Variants in RHOH observed in about 807,000 individuals in gnomAD.
RHOH encodes the protein ras homolog family member H, also known as rho-related GTP-binding protein RhoH.
RHOH carries 6 observed loss-of-function variants against 13.8 expected under a neutral mutation model. The observed-to-expected ratio is 0.44, with a 90% CI of 0.24 to 0.86. The LOEUF (loss-of-function observed/expected upper bound fraction) is 0.86, where lower values mean the gene tolerates loss of function less well. Among genes scored for constraint, RHOH ranks in the 40% least tolerant of loss-of-function variants. RHOH has a pLI of 0.24. For missense variants in RHOH, 147 were observed against 244.5 expected (o/e 0.60, Z 2.66); for synonymous variants, 117 against 103.0 (o/e 1.14, Z -0.82).
intron 1 of RHOH, among the ~76,000 whole-genome samples, chr4:40,217,309 C>T (rs1207094062): frequency 6.6e-6 from 1 of 152,160 alleles, no homozygotes; most frequent in Non-Finnish European, 1.5e-5. Context: ...GTTACCTCTT[C>T]CCGGGAAGAA....
chr4:40,236,673 C>T (rs879515964), intron 1 of RHOH, among the ~76,000 whole-genome samples: 42 of 151,980 alleles, frequency 2.8e-4, no homozygotes, highest in African/African-American at 9.9e-4. Context: ...CTCCCGTAGT[C>T]CCAAGCTACT....
chr4:40,203,740 G>A (rs73146078), intron 1 of RHOH, among the ~76,000 whole-genome samples: 2,705 of 152,164 alleles, frequency 0.018, 88 homozygotes, highest in African/African-American at 0.062. Context: ...ATAGTTTGTG[G>A]CACAAAATCC....
At chr4:40,207,993 A>T (rs1039806455) in intron 1 of RHOH, among the ~76,000 whole-genome samples, 22 of 151,886 alleles carry the variant, frequency 1.4e-4, no homozygotes, top group East Asian at 9.6e-4. Context: ...ATAATAATTT[A>T]AAAAAACTAG....
intron 1 of RHOH, among the ~76,000 whole-genome samples, chr4:40,200,724 A>T (rs1723861372): frequency 6.6e-6 from 1 of 152,214 alleles, no homozygotes; most frequent in Non-Finnish European, 1.5e-5. Flanking sequence ...TGTTTAGCTC[A>T]GTCATACCCG....
At position 40,238,171 on chromosome 4, in the gene RHOH, AGGGGGCATCTGATCTGGC is replaced by A. The variant is rs545134927; in HGVS notation, c.-330-4506_-330-4489del. Among the ~76,000 whole-genome samples, 853 of 147,286 alleles carry A rather than the reference AGGGGGCATCTGATCTGGC, an allele frequency of 5.8e-3. 8 individuals carry two copies. Among genetic ancestry groups the A allele is most frequent in the East Asian group, 0.025 (122 of 4,916 alleles). ...CATAGAGGTATTTTGGGAACACAGC[AGGGGGCATCTGATCTGGC>A]GGGGGCATCTGATCTGGCGGGGGCA... On this transcript the variant is annotated intron_variant, in intron 1 of 2. Coordinates refer to ENST00000381799, the MANE Select transcript of RHOH (RefSeq NM_004310.5).
At chr4:40,215,977 G>T (rs908896858) in intron 1 of RHOH, among the ~76,000 whole-genome samples, 11 of 151,912 alleles carry the variant, frequency 7.2e-5, no homozygotes, top group African/African-American at 2.7e-4. Flanking sequence ...TTTCCACCCT[G>T]GGTGGACTCT....
chr4:40,209,802 T>C (rs984802947), intron 1 of RHOH: 1 of 152,212 alleles, frequency 6.6e-6, no homozygotes, highest in African/African-American at 2.4e-5. Context: ...TAGAAAAGAA[T>C]TGACTTTCAA....
At chr4:40,238,208 G>C (rs762550562) in intron 1 of RHOH, among the ~76,000 whole-genome samples, 4 of 150,994 alleles carry the variant, frequency 2.6e-5, no homozygotes, top group Non-Finnish European at 5.9e-5. Context: ...CTGATCTGGC[G>C]GGGGCATCTG....
chr4:40,203,063 C>T (rs1724206790), intron 1 of RHOH, among the ~76,000 whole-genome samples: 1 of 152,080 alleles, frequency 6.6e-6, no homozygotes, highest in African/African-American at 2.4e-5. Context: ...GCTCCGCTTC[C>T]CGGGTTCACG....
At chr4:40,236,932 T>G (rs1728656943) in intron 1 of RHOH, among the ~76,000 whole-genome samples, 1 of 152,218 alleles carries the variant, frequency 6.6e-6, no homozygotes, top group Non-Finnish European at 1.5e-5. Context: ...CAGTTAGGAA[T>G]TGTCGAAACC....
chr4:40,206,309 C>T (rs1724630888), intron 1 of RHOH, among the ~76,000 whole-genome samples: 1 of 152,142 alleles, frequency 6.6e-6, no homozygotes, highest in South Asian at 2.1e-4. Flanking sequence ...CTTTTTCTCC[C>T]TTTCTTGCAT....
At position 40,228,766 on chromosome 4, in the gene RHOH, G is replaced by GCTC. The variant is rs150403884; in HGVS notation, c.-330-13948_-330-13947insCTC. Among the ~76,000 whole-genome samples, 826 of 152,280 alleles carry GCTC rather than the reference G, an allele frequency of 5.4e-3. 21 individuals are homozygous for GCTC. The highest frequency in any genetic ancestry group is 0.042 in the South Asian group (203 of 4,820). On this transcript the variant is annotated intron_variant, in intron 1 of 2. Coordinates refer to ENST00000381799, the MANE Select transcript of RHOH (RefSeq NM_004310.5). ...CCTCCAAAGCCCCCTCACCTTTTCA[G>GCTC]ACAACAAGAACCCCCAGGGCAGAGG...
chr4:40,228,331 T>C (rs1727489421), intron 1 of RHOH, among the ~76,000 whole-genome samples: 1 of 152,204 alleles, frequency 6.6e-6, no homozygotes, highest in African/African-American at 2.4e-5. Flanking sequence ...GGTAACTGAT[T>C]TTTATCTTCT....
intron 1 of RHOH, among the ~76,000 whole-genome samples, chr4:40,205,112 A>G (rs1724492964): frequency 6.6e-6 from 1 of 152,102 alleles, no homozygotes; most frequent in Admixed American, 6.5e-5. Context: ...AAAATACAAA[A>G]TTAGCTGGGC....
At chr4:40,191,771 G>A (rs1049684222), upstream of RHOH, among the ~76,000 whole-genome samples, 1 of 152,014 alleles carries the variant, frequency 6.6e-6, no homozygotes, top group African/African-American at 2.4e-5. Flanking sequence ...CCTGAGAACC[G>A]AATATTCACT....
At chr4:40,227,052 G>A (rs1259451538) in intron 1 of RHOH, among the ~76,000 whole-genome samples, 3 of 152,080 alleles carry the variant, frequency 2.0e-5, no homozygotes, top group Non-Finnish European at 2.9e-5. Flanking sequence ...CCAGCTACTC[G>A]GGAGGCTGAG....
chr4:40,200,296 C>A lies in RHOH; in HGVS notation c.-331+2996C>A, dbSNP rs1361550587. ...CACAAGAAGTTGTCATACTGTTCCC[C>A]GGATGTGGACAGTTGTTCAGAGACC... On this transcript the variant is annotated intron_variant, in intron 1 of 2. Transcript: ENST00000381799. 3.3e-5 allele frequency: 5 copies of A among 152,238 alleles called. No homozygotes were observed. In the East Asian group the frequency reaches 9.7e-4, roughly 29 times the overall value. 9.4% of individuals were successfully genotyped at this position (152,238 alleles called of 1,614,324 possible). A position where few individuals can be genotyped will look rare whatever the true frequency, so the allele number is the denominator to read the frequency against.
intron 1 of RHOH, among the ~76,000 whole-genome samples, chr4:40,229,922 T>C (rs763402123): frequency 1.0e-4 from 15 of 148,796 alleles, no homozygotes; most frequent in Non-Finnish European, 2.2e-4. Context: ...AATTGACAAA[T>C]TGATTGATAA....
intron 1 of RHOH, among the ~76,000 whole-genome samples, chr4:40,226,048 A>G (rs1409531097): frequency 6.6e-6 from 1 of 152,216 alleles, no homozygotes; most frequent in Non-Finnish European, 1.5e-5. Flanking sequence ...AGCGTCTGGC[A>G]AATGTGTTTA....
Sources: gnomAD v4.1 joint callset for allele counts (sites outside exome capture counted in the v4.1 genomes callset) on GRCh38, gnomAD v4.1.1 for gene constraint, MANE v1.5 for transcripts, NCBI Gene and HGNC (gene_info 2026-07-23, HGNC 2026-07-21) for gene names.